BABAM2: variants seen among roughly 807,000 people sequenced by gnomAD.
BABAM2 encodes BRISC and BRCA1 A complex member 2, also known as BRISC and BRCA1-A complex member 2.
BABAM2 carries 31 observed loss-of-function variants against 54.7 expected under a neutral mutation model. The ratio of observed to expected loss-of-function variants is 0.57; its 90% CI spans 0.43 to 0.77. BABAM2 has a LOEUF of 0.77. BABAM2 is among the 30% of genes least tolerant of loss of function. BABAM2 has a pLI of 0.00. For missense variants in BABAM2, 364 were observed against 455.8 expected, an observed-to-expected ratio of 0.80 and a Z score of 1.83; for synonymous variants, 167 against 162.9, an observed-to-expected ratio of 1.03 and a Z score of -0.19.
chr2:28,171,259 A>C (rs1244773478), intron 7 of BABAM2, among the ~76,000 whole-genome samples: 1 of 152,224 alleles, frequency 6.6e-6, no homozygotes, highest in Admixed American at 6.5e-5. Flanking sequence ...ATCTTTGTAC[A>C]TACATTGAAG....
At chr2:28,303,692 C>T (rs893235307) in intron 11 of BABAM2, among the ~76,000 whole-genome samples, 1 of 151,894 alleles carries the variant, frequency 6.6e-6, no homozygotes, top group Non-Finnish European at 1.5e-5. Context: ...CTTGCCAATT[C>T]CCACCTCTCC....
intron 6 of BABAM2, among the ~76,000 whole-genome samples, chr2:28,126,025 G>A (rs1011614530): frequency 2.0e-5 from 3 of 152,098 alleles, no homozygotes; most frequent in African/African-American, 7.2e-5. Flanking sequence ...GTTAATATTG[G>A]TTACCTTGAA....
chr2:28,067,835 T>C (rs1236599204), intron 6 of BABAM2, among the ~76,000 whole-genome samples: 1 of 152,194 alleles, frequency 6.6e-6, no homozygotes, highest in Admixed American at 6.5e-5. Flanking sequence ...AAGCTCCTTA[T>C]GGCAGAATTG....
rs116759604 is a variant in BABAM2 at position 28,231,614 on chromosome 2, G to A, written c.681-5588G>A. On this transcript the variant is annotated intron_variant, in intron 7 of 11. Coordinates refer to ENST00000379624, the MANE Select transcript of BABAM2 (RefSeq NM_199191.3). Reference sequence around the variant, plus strand: ...CTCTCCCTCAGAACCCAATTCAGGGGCAAAAGCAGGATGCTAAGGCTGACC... The same window carrying A: ...CTCTCCCTCAGAACCCAATTCAGGGACAAAAGCAGGATGCTAAGGCTGACC... Among the ~76,000 whole-genome samples, 571 of 152,080 alleles carry A rather than the reference G, an allele frequency of 3.8e-3. 5 individuals are homozygous for A. Among genetic ancestry groups the A allele is most frequent in the African/African-American group, 0.013 (542 of 41,480 alleles).
chr2:28,199,088 C>G (rs1027015956), intron 7 of BABAM2, among the ~76,000 whole-genome samples: 2 of 152,150 alleles, frequency 1.3e-5, no homozygotes, highest in Non-Finnish European at 2.9e-5. Flanking sequence ...CTTTAAGTGC[C>G]TTGTTTTTGC....
chr2:28,075,439 G>A (rs1664565656), intron 6 of BABAM2, among the ~76,000 whole-genome samples: 1 of 152,118 alleles, frequency 6.6e-6, no homozygotes, highest in Non-Finnish European at 1.5e-5. Context: ...TCCCTTCTAA[G>A]CAAAGAATAT....
At chr2:27,908,848 C>T (rs1666378108) in intron 2 of BABAM2, among the ~76,000 whole-genome samples, 1 of 152,066 alleles carries the variant, frequency 6.6e-6, no homozygotes, top group South Asian at 2.1e-4. Flanking sequence ...GTTTTATATT[C>T]CCACCAGCAA....
intron 2 of BABAM2, among the ~76,000 whole-genome samples, chr2:27,899,015 G>C (rs909323062): frequency 6.6e-6 from 1 of 151,084 alleles, no homozygotes; most frequent in African/African-American, 2.4e-5. Flanking sequence ...TGTAGTCCCA[G>C]CTACTTGGGA....
At chr2:28,070,432 C>A (rs13409819) in intron 6 of BABAM2, among the ~76,000 whole-genome samples, 81,625 of 151,960 alleles carry the variant, frequency 0.54, 22,391 homozygotes, top group South Asian at 0.75. Context: ...TGGCTCTCTT[C>A]AAAAATCCTC....
At chr2:28,208,754 G>A (rs1679150137) in intron 7 of BABAM2, among the ~76,000 whole-genome samples, 1 of 152,018 alleles carries the variant, frequency 6.6e-6, no homozygotes, top group Non-Finnish European at 1.5e-5. Context: ...TAACAGTTGT[G>A]GCCTCTGAGT....
Position 28,151,134 on chromosome 2 carries a change from A to G in BABAM2, c.680+21754A>G, listed in dbSNP as rs535143504. ...TTTTGACTTTACTCTGTAGGTTCTA[A>G]AGTAAACATATATGAGGTTTTTAAT... is the stretch of plus-strand genomic sequence containing the variant. On this transcript the variant is annotated intron_variant, in intron 7 of 11. Coordinates refer to ENST00000379624, the MANE Select transcript of BABAM2 (RefSeq NM_199191.3). Among the ~76,000 whole-genome samples, 5 of 152,328 alleles carry G rather than the reference A, an allele frequency of 3.3e-5. No homozygotes were observed. In the South Asian group the frequency reaches 1.0e-3, roughly 32 times the overall value.
intron 7 of BABAM2, among the ~76,000 whole-genome samples, chr2:28,141,603 A>T (rs918993282): frequency 2.6e-5 from 4 of 152,156 alleles, no homozygotes; most frequent in Admixed American, 2.6e-4. Flanking sequence ...GGGACAGAAG[A>T]ATTCCAGAAG....
At chr2:28,136,115 G>A (rs866494783) in intron 7 of BABAM2, among the ~76,000 whole-genome samples, 3 of 152,222 alleles carry the variant, frequency 2.0e-5, no homozygotes, top group Middle Eastern at 3.4e-3. Flanking sequence ...GTGATTTCCC[G>A]AACACATCTT....
At chr2:28,248,576 A>C (rs1214448147) in intron 10 of BABAM2, among the ~76,000 whole-genome samples, 1 of 152,182 alleles carries the variant, frequency 6.6e-6, no homozygotes, top group African/African-American at 2.4e-5. Context: ...ACAGAACAAA[A>C]AAAATCCTCT....
intron 10 of BABAM2, among the ~76,000 whole-genome samples, chr2:28,281,438 G>A (rs1307337393): frequency 6.6e-6 from 1 of 152,082 alleles, no homozygotes; most frequent in Non-Finnish European, 1.5e-5. Context: ...TTTATCCATG[G>A]CGGAAGTAAA....
chr2:28,272,701 C>T (rs1178008481), intron 10 of BABAM2, among the ~76,000 whole-genome samples: 3 of 152,174 alleles, frequency 2.0e-5, no homozygotes, highest in Non-Finnish European at 4.4e-5. Flanking sequence ...CAGGATAATG[C>T]AAGATGGTCC....
chr2:27,928,302 C>G (rs112968323), intron 2 of BABAM2, among the ~76,000 whole-genome samples: 11,205 of 152,074 alleles, frequency 0.074, 684 homozygotes, highest in African/African-American at 0.16. Context: ...ATGTGAGCCA[C>G]CGCGCCTGGC....
intron 7 of BABAM2, among the ~76,000 whole-genome samples, chr2:28,226,585 A>G (rs1025122200): frequency 3.3e-5 from 5 of 152,176 alleles, no homozygotes; most frequent in African/African-American, 9.7e-5. Context: ...TATGCCACGG[A>G]GAAAACGACA....
intron 5 of BABAM2, among the ~76,000 whole-genome samples, chr2:28,026,892 A>ATGTATT: frequency 2.4e-4 from 7 of 29,172 alleles, no homozygotes; most frequent in Non-Finnish European, 4.4e-4. Flanking sequence ...ATATAGATAT[A>ATGTATT]TATAAATATA....
Sources: allele counts gnomAD v4.1 joint callset (sites outside exome capture counted in the v4.1 genomes callset), GRCh38; gene constraint gnomAD v4.1.1; transcripts MANE v1.5; gene names NCBI Gene and HGNC (gene_info 2026-07-23, HGNC 2026-07-21).